Variants in B3GALNT2 observed in about 807,000 individuals in gnomAD.
The protein encoded by B3GALNT2 is beta-1,3-N-acetylgalactosaminyltransferase 2.
B3GALNT2 carries 53 observed loss-of-function variants against 61.1 expected under a neutral mutation model. The ratio of observed to expected loss-of-function variants is 0.87; its 90% CI spans 0.70 to 1.09. The LOEUF is 1.09. B3GALNT2 is among the 50% of genes least tolerant of loss of function. B3GALNT2 has a pLI of 0.00. For missense variants in B3GALNT2, 544 were observed against 623.0 expected (o/e 0.87, Z 1.35); for synonymous variants, 223 against 237.4 (o/e 0.94, Z 0.56).
chr1:235,461,241 T>A (rs983231740), intron 7 of B3GALNT2, among the ~76,000 whole-genome samples: 1 of 152,212 alleles, frequency 6.6e-6, no homozygotes, highest in East Asian at 1.9e-4. Context: ...GGACAAGTTC[T>A]GTTGTCTCTA....
intron 1 of B3GALNT2, 36 bp from the exon 2 acceptor site, chr1:235,494,864 G>A (rs755671805): frequency 2.0e-6 from 3 of 1,532,362 alleles, no homozygotes; most frequent in East Asian, 2.3e-5. Flanking sequence ...AATAAGTCAT[G>A]TATCAATTAC....
At chr1:235,481,326 G>C (rs1414964250) in intron 4 of B3GALNT2, among the ~76,000 whole-genome samples, 2 of 152,104 alleles carry the variant, frequency 1.3e-5, no homozygotes, top group Non-Finnish European at 2.9e-5. Flanking sequence ...CTACTTGATT[G>C]ATAACTCGCA....
Position 235,480,128 on chromosome 1 carries a change from A to C in B3GALNT2, c.577T>G (p.Phe193Val). ...EQEEALFIAR[F>V]SPPSCGVQVN... ...TGCACACCACAGCTTGGAGGACTGA[A>C]GCGAGCAATGAAGAGGGCCTCCTAC... Residue 193 changes from phenylalanine to valine, a missense_variant, in exon 5 of 12, where the codon TTC (phenylalanine) becomes GTC (valine). Phe to Val is a conservative substitution (Grantham distance 50). Coordinates refer to ENST00000366600, the MANE Select transcript of B3GALNT2 (RefSeq NM_152490.5). 1.2e-6 allele frequency: 2 copies of C among 1,613,910 alleles called. No homozygotes were observed. The highest frequency in any genetic ancestry group is 8.5e-7 in the Non-Finnish European group (1 of 1,179,808).
chr1:235,479,175 G>A (rs1228658056), intron 5 of B3GALNT2: 2 of 152,308 alleles, frequency 1.3e-5, no homozygotes, highest in East Asian at 1.9e-4. Context: ...TGAACACATT[G>A]TGAATGGCAC....
At chr1:235,439,821 A>G in the B3GALNT2 span, among the ~76,000 whole-genome samples, 1 of 150,996 alleles carries the variant, frequency 6.6e-6, no homozygotes, top group Non-Finnish European at 1.5e-5. Flanking sequence ...TTTTCTTTTG[A>G]GACAGAGTCT....
rs1228195054 is a variant in B3GALNT2, at chr1:235,465,679, T to C, written c.798A>G (p.Glu266=). ...GEGALPHEFL[E]GVEGVAGGFI... is the part of the protein sequence containing the mutation. ...AACCACCTGCAACTCCCTCCACACC[T>C]TCCAAGAATTCATGAGGCAATGCAC... Residue 266 remains glutamate (E), a synonymous_variant, in exon 7 of 12, where the codon GAA becomes GAG. Coordinates refer to ENST00000366600, the MANE Select transcript of B3GALNT2 (RefSeq NM_152490.5). 1.9e-6 allele frequency: 3 copies of C among 1,614,010 alleles called. No individual in the cohort carries two copies. The highest frequency in any genetic ancestry group is 2.5e-6 in the Non-Finnish European group (3 of 1,179,972).
intron 5 of B3GALNT2, chr1:235,479,723 G>T: frequency 5.4e-6 from 1 of 185,164 alleles, no homozygotes; most frequent in Admixed American, 5.8e-5. Context: ...TTACCCAAAT[G>T]GTATCTCTGT....
intron 2 of B3GALNT2, 47 bp from the exon 3 acceptor site, chr1:235,489,315 C>T (rs1302845189): frequency 6.2e-7 from 1 of 1,606,508 alleles, no homozygotes; most frequent in Non-Finnish European, 8.5e-7. Context: ...CTTCACCTCG[C>T]ACATGCACGT....
chr1:235,476,304 A>T (rs1479205424), intron 5 of B3GALNT2, among the ~76,000 whole-genome samples: 1 of 152,182 alleles, frequency 6.6e-6, no homozygotes, highest in African/African-American at 2.4e-5. Context: ...CCAGCTACTC[A>T]GGAGGCTGAG....
intron 9 of B3GALNT2, 98 bp downstream of exon 9, chr1:235,455,461 T>G: frequency 4.5e-6 from 6 of 1,338,014 alleles, no homozygotes; most frequent in Non-Finnish European, 6.2e-6. Flanking sequence ...AAATTGTATA[T>G]CTCAACCACA....
At chr1:235,439,864 C>T in the B3GALNT2 span, among the ~76,000 whole-genome samples, 2 of 151,960 alleles carry the variant, frequency 1.3e-5, no homozygotes, top group South Asian at 2.1e-4. Context: ...TGCAGTGGCA[C>T]AATCTCAGCT....
intron 5 of B3GALNT2, among the ~76,000 whole-genome samples, chr1:235,471,798 G>A (rs1684019836): frequency 6.6e-6 from 1 of 152,158 alleles, no homozygotes; most frequent in Non-Finnish European, 1.5e-5. Flanking sequence ...GCGTAGCTGG[G>A]ATTACAGGCG....
At chr1:235,496,413 AT>A in intron 1 of B3GALNT2, 6 of 707,520 alleles carry the variant, frequency 8.5e-6, no homozygotes, top group Non-Finnish European at 1.1e-5. Context: ...AAGACAATTT[AT>A]TTTTAAATAA....
chr1:235,474,972 T>C (rs1684183918), intron 5 of B3GALNT2, among the ~76,000 whole-genome samples: 1 of 40,318 alleles, frequency 2.5e-5, no homozygotes, highest in African/African-American at 1.2e-4. Context: ...TATATATATA[T>C]ATATATATAT....
intron 7 of B3GALNT2, among the ~76,000 whole-genome samples, chr1:235,460,058 G>A (rs770664939): frequency 3.3e-5 from 5 of 151,918 alleles, no homozygotes; most frequent in Non-Finnish European, 5.9e-5. Context: ...CTCCCAAAGT[G>A]CTGGGATTAC....
chr1:235,459,391 G>A (rs904833647), intron 7 of B3GALNT2, among the ~76,000 whole-genome samples: 7 of 152,318 alleles, frequency 4.6e-5, no homozygotes, highest in African/African-American at 1.7e-4. Context: ...GTGAAGCCGA[G>A]GGAGGAGAAT....
intron 9 of B3GALNT2, 73 bp downstream of exon 9, chr1:235,455,486 A>T (rs1169512728): frequency 8.7e-6 from 13 of 1,486,820 alleles, no homozygotes; most frequent in Non-Finnish European, 1.2e-5. Flanking sequence ...CAAAAAAAAA[A>T]GATATTTTAT....
chr1:235,464,953 T>C (rs1018269806), intron 7 of B3GALNT2: 2 of 152,184 alleles, frequency 1.3e-5, no homozygotes, highest in African/African-American at 2.4e-5. Context: ...ATGGAGAAAC[T>C]AGAATCCTCA....
At chr1:235,443,238 G>A (rs1344018637), downstream of B3GALNT2, among the ~76,000 whole-genome samples, 1 of 151,578 alleles carries the variant, frequency 6.6e-6, no homozygotes, top group Non-Finnish European at 1.5e-5. Context: ...GCCTCACTCT[G>A]TCACCCAGGT....
Sources: gnomAD v4.1 joint callset for allele counts (sites outside exome capture counted in the v4.1 genomes callset) on GRCh38, gnomAD v4.1.1 for gene constraint, MANE v1.5 for transcripts, NCBI Gene and HGNC (gene_info 2026-07-23, HGNC 2026-07-21) for gene names.